Variants in SUPT3H observed in about 807,000 individuals in gnomAD.
SUPT3H encodes the protein SPT3 homolog, SAGA and STAGA complex component, also known as transcription initiation protein SPT3 homolog.
Under a neutral mutation model 44.3 loss-of-function variants are expected in SUPT3H, and 44 were observed. The observed-to-expected ratio is 0.99, with a 90% CI of 0.78 to 1.28. The LOEUF (loss-of-function observed/expected upper bound fraction) is 1.28, where lower values mean the gene tolerates loss of function less well. Among genes scored for constraint, SUPT3H ranks in the 50% most tolerant of loss-of-function variants. The probability of loss-of-function intolerance (pLI) is 0.00; values close to 1 mark genes in which losing one functional copy is unlikely to be tolerated. For synonymous variants in SUPT3H, 124 were observed against 125.6 expected (o/e 0.99, Z 0.09); for missense variants, 380 against 387.1 (o/e 0.98, Z 0.15).
intron 2 of SUPT3H, among the ~76,000 whole-genome samples, chr6:45,219,146 G>GA (rs538200297): frequency 1.5e-3 from 231 of 150,890 alleles, no homozygotes; most frequent in African/African-American, 5.3e-3. Context: ...GCTTACATTA[G>GA]AAAAAAAAGT....
chr6:45,045,836 C>T (rs1789306084), intron 3 of SUPT3H, among the ~76,000 whole-genome samples: 1 of 152,158 alleles, frequency 6.6e-6, no homozygotes, highest in African/African-American at 2.4e-5. Flanking sequence ...CAGATATATG[C>T]ATCACAAATA....
chr6:44,940,455 G>A (rs1233108323), intron 9 of SUPT3H, among the ~76,000 whole-genome samples: 1 of 152,040 alleles, frequency 6.6e-6, no homozygotes, highest in Non-Finnish European at 1.5e-5. Context: ...CCTAACATGT[G>A]ATATCTATCT....
At chr6:44,821,730 T>C (rs1407708673), downstream of SUPT3H, among the ~76,000 whole-genome samples, 1 of 152,114 alleles carries the variant, frequency 6.6e-6, no homozygotes, top group Non-Finnish European at 1.5e-5. Flanking sequence ...ATGAAAAAAG[T>C]TCCAGTGATA....
At chr6:45,119,918 ATC>A (rs905119007) in intron 2 of SUPT3H, among the ~76,000 whole-genome samples, 7 of 152,138 alleles carry the variant, frequency 4.6e-5, no homozygotes, top group Admixed American at 1.3e-4. Context: ...ACAATTTAGA[ATC>A]TGTTTAATAA....
At chr6:45,118,932 T>C (rs1170988877) in intron 2 of SUPT3H, among the ~76,000 whole-genome samples, 1 of 152,160 alleles carries the variant, frequency 6.6e-6, no homozygotes, top group East Asian at 1.9e-4. Context: ...GCCACTGCCA[T>C]GAAAGTATGA....
intron 3 of SUPT3H, among the ~76,000 whole-genome samples, chr6:45,046,245 G>C (rs1789378211): frequency 6.6e-6 from 1 of 152,044 alleles, no homozygotes; most frequent in South Asian, 2.1e-4. Context: ...ACATATGCTT[G>C]TCTTTATATC....
At chr6:45,118,844 G>A (rs1801200385) in intron 2 of SUPT3H, among the ~76,000 whole-genome samples, 1 of 152,124 alleles carries the variant, frequency 6.6e-6, no homozygotes, top group African/African-American at 2.4e-5. Context: ...ACCCTGTTAT[G>A]TTCTTTGGCC....
intron 2 of SUPT3H, among the ~76,000 whole-genome samples, chr6:45,316,030 T>C (rs750047751): frequency 1.3e-5 from 2 of 152,150 alleles, no homozygotes; most frequent in Non-Finnish European, 2.9e-5. Flanking sequence ...TGCAATGACC[T>C]GGATGAGATT....
intron 6 of SUPT3H, among the ~76,000 whole-genome samples, chr6:44,999,092 T>G (rs1781661092): frequency 6.6e-6 from 1 of 152,066 alleles, no homozygotes; most frequent in Non-Finnish European, 1.5e-5. Context: ...GTTATTACTT[T>G]CTAGGTTTTC....
intron 2 of SUPT3H, among the ~76,000 whole-genome samples, chr6:45,218,269 T>C (rs1765418531): frequency 6.6e-6 from 1 of 152,120 alleles, no homozygotes; most frequent in Non-Finnish European, 1.5e-5. Context: ...AGATATTATA[T>C]AATGATCAAA....
chr6:45,268,300 T>C (rs1775575930), intron 2 of SUPT3H, among the ~76,000 whole-genome samples: 1 of 152,068 alleles, frequency 6.6e-6, no homozygotes, highest in South Asian at 2.1e-4. Flanking sequence ...TAATGGCAAA[T>C]CCTCCAAAAC....
intron 9 of SUPT3H, among the ~76,000 whole-genome samples, chr6:44,944,783 A>AAAAAAAAAAAAAAAAAAAAAAAAT (rs1773062504): frequency 7.3e-6 from 1 of 136,276 alleles, no homozygotes; most frequent in Non-Finnish European, 1.7e-5. Context: ...AAAAAAAAAA[A>AAAAAAAAAAAAAAAAAAAAAAAAT]AAGAAAAGAA....
intron 9 of SUPT3H, among the ~76,000 whole-genome samples, chr6:44,933,705 G>A (rs1470137592): frequency 6.6e-6 from 1 of 152,190 alleles, no homozygotes; most frequent in Non-Finnish European, 1.5e-5. Flanking sequence ...GTGCAGTGGT[G>A]TGCTCACAGC....
chr6:44,940,204 C>A (rs1454875949), intron 9 of SUPT3H, among the ~76,000 whole-genome samples: 1 of 151,950 alleles, frequency 6.6e-6, no homozygotes. Context: ...TTCCCTTTTG[C>A]AATGCTTTTG....
At chr6:45,328,645 T>A (rs1345918009) in intron 2 of SUPT3H, 1 of 1,610,618 alleles carries the variant, frequency 6.2e-7, no homozygotes, top group East Asian at 2.2e-5. Flanking sequence ...GGTTTGGGTA[T>A]GGTTTGTATT....
chr6:44,894,322 C>G (rs1763778555), intron 10 of SUPT3H, among the ~76,000 whole-genome samples: 1 of 151,862 alleles, frequency 6.6e-6, no homozygotes, highest in Non-Finnish European at 1.5e-5. Context: ...AATGGTAATG[C>G]CTAGGTTTTC....
intron 6 of SUPT3H, among the ~76,000 whole-genome samples, chr6:44,993,026 G>C (rs776887042): frequency 1.3e-5 from 2 of 152,070 alleles, no homozygotes; most frequent in Non-Finnish European, 2.9e-5. Flanking sequence ...TGGTGGGTGT[G>C]GTGGCACGTT....
At chr6:45,351,192 T>C (rs1321075218) in intron 2 of SUPT3H, among the ~76,000 whole-genome samples, 3 of 151,980 alleles carry the variant, frequency 2.0e-5, no homozygotes, top group South Asian at 2.1e-4. Context: ...GAAACTAAGA[T>C]ACATACAAAA....
intron 3 of SUPT3H, among the ~76,000 whole-genome samples, chr6:45,101,965 C>T (rs952808135): frequency 5.9e-5 from 9 of 152,046 alleles, no homozygotes; most frequent in Admixed American, 5.9e-4. Flanking sequence ...ATGGGGACCT[C>T]ATAGTGGCAG....
Sources: allele counts gnomAD v4.1 joint callset (sites outside exome capture counted in the v4.1 genomes callset), GRCh38; gene constraint gnomAD v4.1.1; transcripts MANE v1.5; gene names NCBI Gene and HGNC (gene_info 2026-07-23, HGNC 2026-07-21).